The following WNK4 variants were observed in gnomAD, a reference collection of about 807,000 sequenced individuals.
WNK4 encodes the protein serine/threonine-protein kinase WNK4.
In WNK4, 94 loss-of-function variants were observed where a neutral mutation model predicts 116.2. The ratio of observed to expected loss-of-function variants is 0.81; its 90% CI spans 0.68 to 0.96. The LOEUF (loss-of-function observed/expected upper bound fraction) is 0.96. Among genes scored for constraint, WNK4 ranks in the 40% least tolerant of loss-of-function variants. The pLI is 0.00. For missense variants in WNK4, 1,542 were observed against 1,650.6 expected, an observed-to-expected ratio of 0.93 and a Z score of 1.14; for synonymous variants, 655 against 672.7, an observed-to-expected ratio of 0.97 and a Z score of 0.41.
In WNK4 at chr17:42,796,589, G is replaced by A; in HGVS notation, c.3729+11G>A. 1 of 1,614,200 alleles carries A rather than the reference G, an allele frequency of 6.2e-7. No homozygotes were observed. The highest frequency in any genetic ancestry group is 8.5e-7 in the Non-Finnish European group (1 of 1,180,028). Reference sequence around the variant, plus strand: ...GATGTTGGCAGGATGGTGAGGGCGGGCCCAAGGGAGGGAGAGCCCAGGGAA... The same window carrying A: ...GATGTTGGCAGGATGGTGAGGGCGGACCCAAGGGAGGGAGAGCCCAGGGAA... On this transcript the variant is annotated intron_variant, in intron 18 of 18. Coordinates refer to ENST00000246914, the MANE Select transcript of WNK4 (RefSeq NM_032387.5).
rs753553427 is a variant in WNK4, at chr17:42,784,566, G to T, written c.1157G>T (p.Arg386Leu). The change falls in exon 4 of 19, where the codon CGC becomes CTC. Residue 386 changes from arginine to leucine, a missense_variant. Physicochemically the swap from Arg to Leu is moderately radical, Grantham distance 102. This residue lies in a region of WNK4 where 808 missense variants were observed against 873.6 expected (regional missense o/e 0.92). Transcript: ENST00000246914. The surrounding 1 kb of genome is among the most constrained non-coding windows in gnomAD (Gnocchi z 4.4). ...TGCCAGAATGCCGCGCAAATCTACCGCAAGGTCACTTCGGTGAGAGGGATG... is the reference window on the plus strand; with the variant it reads ...TGCCAGAATGCCGCGCAAATCTACCTCAAGGTCACTTCGGTGAGAGGGATG... The part of the protein sequence containing the change: ...SECQNAAQIY[R>L]KVTSGRKPNS... The T allele has an allele frequency of 1.2e-6, 2 of 1,614,026 alleles. No homozygotes were observed. The highest frequency in any genetic ancestry group is 8.5e-7 in the Non-Finnish European group (1 of 1,180,022).
At chr17:42,788,840 C>A in intron 11 of WNK4, 43 bp downstream of exon 11, 2 of 1,516,350 alleles carry the variant, frequency 1.3e-6, no homozygotes, top group Non-Finnish European at 1.8e-6. Context: ...GGATCTGGAA[C>A]AAGAGTCTCC....
In WNK4 at chr17:42,796,768, A is replaced by C. The variant is rs2054681100; in HGVS notation, c.*80A>C. On this transcript the variant is annotated 3_prime_UTR_variant, in exon 19 of 19. Coordinates refer to ENST00000246914, the MANE Select transcript of WNK4 (RefSeq NM_032387.5). ...TGTTCTCAGAATCTGATGCTTTCTG[A>C]TCAACAAAACTGAGCAAGGAAGATC... The C allele has an allele frequency of 1.9e-6, 3 of 1,613,962 alleles. No homozygotes were observed. The African/African-American group carries it at 4.0e-5, about 22-fold the overall frequency.
At chr17:42,793,833 T>G in intron 12 of WNK4, 104 bp downstream of exon 12, 1 of 1,441,866 alleles carries the variant, frequency 6.9e-7, no homozygotes. Flanking sequence ...CCTCTTCATC[T>G]CTGGGACCCT....
At position 42,784,172 on chromosome 17, in the gene WNK4, G is replaced by A. The variant is rs781400955; in HGVS notation, c.1012+15G>A. ...GAGTGTCATCGGTGCGTCTCTCCAG[G>A]AGGGTCCATGCCATTCCTTCCTCCC... On this transcript the variant is annotated intron_variant, in intron 3 of 18. Coordinates refer to ENST00000246914, the MANE Select transcript of WNK4 (RefSeq NM_032387.5). This position sits in a 1 kb window ranked among gnomAD's most constrained non-coding sequence, Gnocchi z 4.4. 1 of 1,603,750 alleles carries A rather than the reference G, an allele frequency of 6.2e-7. No homozygotes were observed. The highest frequency in any genetic ancestry group is 1.1e-5 in the South Asian group (1 of 91,068).
intron 12 of WNK4, 43 bp from the exon 13 acceptor site, chr17:42,794,571 T>C (rs372344234): frequency 1.9e-6 from 3 of 1,611,580 alleles, no homozygotes; most frequent in Non-Finnish European, 1.7e-6. Context: ...CATCTCAGAC[T>C]GCTCTTCCCC....
In WNK4 at chr17:42,795,586, C is replaced by G. The variant is rs376827362; in HGVS notation, c.3023-39C>G. ...CTACTCACTGTCTGTCCTGTCACTG[C>G]TCTCCTTTCCTCATGCCTTCTTCCT... On this transcript the variant is annotated intron_variant, in intron 15 of 18. Transcript: ENST00000246914. The G allele has an allele frequency of 1.1e-5, 18 of 1,614,116 alleles. No individual in the cohort carries two copies. The Admixed American group carries it at 2.2e-4, about 19-fold the overall frequency.
chr17:42,785,047 C>T, intron 4 of WNK4, 50 bp from the exon 5 acceptor site: 1 of 1,579,108 alleles, frequency 6.3e-7, no homozygotes, highest in Non-Finnish European at 8.6e-7. Flanking sequence ...GGTGTCAAGC[C>T]GAGAGCTGGG....
In WNK4 at chr17:42,795,516, C is replaced by T. The variant is rs1458911593; in HGVS notation, c.3017C>T (p.Ser1006Phe). 6 of 1,614,272 alleles carry T rather than the reference C, an allele frequency of 3.7e-6. No homozygotes were observed. In the African/African-American group the frequency reaches 4.0e-5, roughly 11 times the overall value. ...LPGEARLAPI[S>F]EEGKPQLVGR... is the part of the protein sequence containing the mutation. ...GGGGAAGCCAGGCTGGCGCCCATCTCTGAAGGTAAGGCCTCTGACCACTGA... is the reference window on the plus strand; with the variant it reads ...GGGGAAGCCAGGCTGGCGCCCATCTTTGAAGGTAAGGCCTCTGACCACTGA... Residue 1006 changes from serine (S) to phenylalanine (F), a missense_variant, in exon 15 of 19, where the codon TCT becomes TTT. Coordinates refer to ENST00000246914, the MANE Select transcript of WNK4 (RefSeq NM_032387.5).
At chr17:42,794,176 T>C (rs1247206184) in intron 12 of WNK4, 1 of 309,650 alleles carries the variant, frequency 3.2e-6, no homozygotes, top group East Asian at 8.6e-5. Context: ...TCTTAGCCCA[T>C]TTGAGAATAT....
Position 42,794,650 on chromosome 17 carries a change from C to G in WNK4, c.2332C>G (p.Leu778Val), listed in dbSNP as rs1191102613. 3 of 1,613,996 alleles carry G rather than the reference C, an allele frequency of 1.9e-6. No homozygotes were observed. The highest frequency in any genetic ancestry group is 1.6e-4 in the Middle Eastern group (1 of 6,062). Residue 778 changes from leucine to valine, a missense_variant, in exon 13 of 19, where the codon CTC (leucine) becomes GTC (valine). Transcript: ENST00000246914. ...PAPLPALPVPLPDPSNEELQS... is the reference protein window; with the variant it reads ...PAPLPALPVPVPDPSNEELQS... ...ACCATTACCTGCCCTGCCCGTCCCC[C>G]TCCCAGACCCATCCAATGGTATGTA...
Position 42,784,111 on chromosome 17 carries a change from G to A in WNK4, c.966G>A (p.Leu322=). 6.2e-7 allele frequency: 1 copy of A among 1,610,624 alleles called. No homozygotes were observed. ...GPTGSVKIGD[L]GLATLKRASF... is the part of the protein sequence containing the mutation. ...CTGGCTCTGTCAAAATCGGGGACCT[G>A]GGCCTGGCCACGCTCAAGCGCGCCT... The change falls in exon 3 of 19, where the codon CTG becomes CTA. Residue 322 remains leucine, a synonymous_variant. Transcript: ENST00000246914. The surrounding 1 kb of genome is among the most constrained non-coding windows in gnomAD (Gnocchi z 4.4).
Position 42,796,208 on chromosome 17 carries a change from C to A in WNK4, c.3517C>A (p.Pro1173Thr). The A allele has an allele frequency of 6.2e-7, 1 of 1,613,958 alleles. No individual in the cohort carries two copies. The highest frequency in any genetic ancestry group is 2.2e-5 in the East Asian group (1 of 44,882). The change falls in exon 17 of 19, where the codon CCG becomes ACG. Residue 1173 changes from proline (P) to threonine (T), a missense_variant. Around this residue, in one of 7 missense-constraint regions of WNK4, gnomAD observed 148 missense variants for 157.2 expected, o/e 0.94. Transcript: ENST00000246914. ...CAGCCGGCTGGGGAAGCAGCCCCCA[C>A]CGGGTATTGTGGCCCCAGCTGCTAT... ...LYSRLGKQPP[P>T]GIVAPAAMLS...
intron 1 of WNK4, among the ~76,000 whole-genome samples, chr17:42,781,655 T>TC (rs2054485196): frequency 6.6e-6 from 1 of 152,078 alleles, no homozygotes; most frequent in Middle Eastern, 3.2e-3. Flanking sequence ...CGCAATCCCT[T>TC]CCTCTCCCCT....
intron 7 of WNK4, 113 bp from the exon 8 acceptor site, chr17:42,787,665 C>T: frequency 1.3e-6 from 2 of 1,594,486 alleles, no homozygotes; most frequent in Non-Finnish European, 1.7e-6. Flanking sequence ...GAAGCTCCCT[C>T]CAGGAAGGAA....
Position 42,785,302 on chromosome 17 carries a change from C to A in WNK4, c.1296C>A (p.Phe432Leu). The change falls in exon 6 of 19, where the codon TTC becomes TTA. Residue 432 changes from phenylalanine (F) to leucine (L), a missense_variant. This residue lies in a region of WNK4 where 808 missense variants were observed against 873.6 expected (regional missense o/e 0.92). Coordinates refer to ENST00000246914, the MANE Select transcript of WNK4 (RefSeq NM_032387.5). ...AGGACCTCCTGGCCCACGCCTTCTT[C>A]CGCGAGGAGCGCGGTGTGCACGTGG... ...TIQDLLAHAF[F>L]REERGVHVEL... 6.2e-7 allele frequency: 1 copy of A among 1,611,866 alleles called. No homozygotes were observed. The highest frequency in any genetic ancestry group is 8.5e-7 in the Non-Finnish European group (1 of 1,179,138).
In WNK4 at chr17:42,784,978, G is replaced by C; in HGVS notation, c.1171-119G>C. On this transcript the variant is annotated intron_variant, in intron 4 of 18. Transcript: ENST00000246914. This position sits in a 1 kb window ranked among gnomAD's most constrained non-coding sequence, Gnocchi z 4.4. ...AAATCACATCTTCCAGTAGCAGTCA[G>C]GCTTTTGCAACTGCACGCGCAGCTG... is the stretch of plus-strand genomic sequence containing the variant. 3 of 986,986 alleles carry C rather than the reference G, an allele frequency of 3.0e-6. No individual in the cohort carries two copies. In the South Asian group the frequency reaches 4.1e-5, roughly 14 times the overall value. 61.1% of individuals were successfully genotyped at this position (986,986 alleles called of 1,614,324 possible). A position where few individuals can be genotyped will look rare whatever the true frequency, so the allele number is the denominator to read the frequency against.
At position 42,780,819 on chromosome 17, in the gene WNK4, C is replaced by G. The variant is rs759170365; in HGVS notation, c.121C>G (p.Arg41Gly). The G allele has an allele frequency of 2.5e-6, 4 of 1,601,094 alleles. 1 individual carries two copies. The Middle Eastern group carries it at 6.8e-4, about 273-fold the overall frequency. The change falls in exon 1 of 19, where the codon CGC (arginine) becomes GGC (glycine). Residue 41 changes from arginine (R) to glycine (G), a missense_variant. By Grantham distance (125) the Arg-to-Gly change is moderately radical. Around this residue, in one of 7 missense-constraint regions of WNK4, gnomAD observed 243 missense variants for 217.8 expected, o/e 1.12. Coordinates refer to ENST00000246914, the MANE Select transcript of WNK4 (RefSeq NM_032387.5). ...GCAGCCCCGCCTCGGGCCCCCTCCTCGCCGAGCGCGCCGCTTCTCCGGGAA... is the reference window on the plus strand; with the variant it reads ...GCAGCCCCGCCTCGGGCCCCCTCCTGGCCGAGCGCGCCGCTTCTCCGGGAA... ...AGQPRLGPPP[R>G]RARRFSGKAE...
Position 42,795,249 on chromosome 17 carries a change from C to T in WNK4, c.2828C>T (p.Ser943Phe). The T allele has an allele frequency of 6.2e-7, 1 of 1,613,900 alleles. No individual in the cohort carries two copies. The highest frequency in any genetic ancestry group is 1.1e-5 in the South Asian group (1 of 91,060). Residue 943 changes from serine to phenylalanine, a missense_variant, in exon 14 of 19, where the codon TCC (serine) becomes TTC (phenylalanine). By Grantham distance (155) the Ser-to-Phe change is radical. Coordinates refer to ENST00000246914, the MANE Select transcript of WNK4 (RefSeq NM_032387.5). The stretch of plus-strand genomic sequence containing the variant: ...ATGACTGTGGCCCAGTCCCTGCTGT[C>T]CCCCTCACCTGGGCTCCTTTCCCAG... ...AVMTVAQSLLSPSPGLLSQSP... is the reference protein window; with the variant it reads ...AVMTVAQSLLFPSPGLLSQSP...
Sources: gnomAD v4.1 joint callset for allele counts (sites outside exome capture counted in the v4.1 genomes callset) on GRCh38, gnomAD v4.1.1 for gene constraint, gnomAD v4.1.1 regional missense constraint, Gnocchi (gnomAD v3.1) non-coding constraint, MANE v1.5 for transcripts, NCBI Gene and HGNC (gene_info 2026-07-23, HGNC 2026-07-21) for gene names.